The following PARP1 variants were observed in gnomAD, a reference collection of about 807,000 sequenced individuals.
PARP1 encodes the protein poly [ADP-ribose] polymerase 1.
PARP1 carries 44 observed loss-of-function variants against 118.7 expected under a neutral mutation model. That is an observed-to-expected ratio of 0.37 (90% CI 0.29 to 0.48). PARP1 has a LOEUF of 0.48. Ranked by LOEUF, PARP1 falls within the 20% of genes least tolerant of loss-of-function variation. PARP1 has a pLI of 0.99. For missense variants in PARP1, 1,100 were observed against 1,272.4 expected (o/e 0.86, Z 2.06); for synonymous variants, 492 against 483.2 (o/e 1.02, Z -0.24).
At chr1:226,388,535 T>G (rs1664756389) in intron 5 of PARP1, 121 bp downstream of exon 5, 3 of 740,838 alleles carry the variant, frequency 4.0e-6, no homozygotes, top group Middle Eastern at 4.7e-4. Context: ...ATTTAATAAC[T>G]GCCATCAATT....
chr1:226,362,741 T>A (rs1891107), intron 21 of PARP1, among the ~76,000 whole-genome samples: 2 of 151,638 alleles, frequency 1.3e-5, no homozygotes, highest in Admixed American at 1.3e-4. Context: ...AACCCGTGCA[T>A]CTGGTTACTG....
At chr1:226,396,271 G>A (rs4653731) in intron 2 of PARP1, among the ~76,000 whole-genome samples, 33,041 of 151,824 alleles carry the variant, frequency 0.22, 4,226 homozygotes, top group African/African-American at 0.34. Context: ...GCCTGAACCC[G>A]GGAGACAGAG....
intron 7 of PARP1, among the ~76,000 whole-genome samples, chr1:226,384,182 C>T (rs765020025): frequency 9.9e-5 from 15 of 152,216 alleles, no homozygotes; most frequent in Admixed American, 2.6e-4. Flanking sequence ...GAGTAGCACA[C>T]GGTGGCATGT....
At chr1:226,368,537 G>A (rs1047608799) in intron 15 of PARP1, among the ~76,000 whole-genome samples, 1 of 152,174 alleles carries the variant, frequency 6.6e-6, no homozygotes, top group Non-Finnish European at 1.5e-5. Flanking sequence ...AACACGTGAT[G>A]GGCTTCTCCC....
rs374120611 is a variant in PARP1, at chr1:226,361,979, G to A, written c.2953C>T (p.Leu985=). 3.2e-6 allele frequency: 5 copies of A among 1,571,174 alleles called. No individual in the cohort carries two copies. The highest frequency in any genetic ancestry group is 1.1e-5 in the South Asian group (1 of 90,264). The change falls in exon 22 of 23, where the codon CTA becomes TTA. Residue 985 remains leucine (L), a synonymous_variant. Transcript: ENST00000366794. ...CTCAAGAAAGGATACTCGTTATATA[G>A]TAGAGAGGTGTCATTCACACCAGAT... ...ISSGVNDTSL[L]YNEYIVYDIA...
At chr1:226,401,866 G>C (rs1232051513) in intron 2 of PARP1, 2 of 805,946 alleles carry the variant, frequency 2.5e-6, no homozygotes, top group Non-Finnish European at 3.8e-6. Context: ...TACTACTCTG[G>C]TGGGAGGTGT....
intron 19 of PARP1, 33 bp downstream of exon 19, chr1:226,364,969 C>A: frequency 6.2e-7 from 1 of 1,611,656 alleles, no homozygotes; most frequent in South Asian, 1.1e-5. Context: ...CAGAGACAGG[C>A]ATTGCCCACC....
At chr1:226,384,013 TCAGCTATAGGAAG>T (rs1193008289) in intron 7 of PARP1, among the ~76,000 whole-genome samples, 2 of 152,222 alleles carry the variant, frequency 1.3e-5, no homozygotes, top group Non-Finnish European at 2.9e-5. Flanking sequence ...TGACTGAGCA[TCAGCTATAGGAAG>T]GTGAACTTTA....
At chr1:226,405,462 C>T (rs1433950549) in intron 1 of PARP1, among the ~76,000 whole-genome samples, 2 of 152,090 alleles carry the variant, frequency 1.3e-5, no homozygotes, top group South Asian at 2.1e-4. Context: ...CGCACCACCA[C>T]GACCCGCTAA....
intron 21 of PARP1, 72 bp from the exon 22 acceptor site, chr1:226,362,155 C>A: frequency 1.2e-6 from 1 of 831,394 alleles, no homozygotes; most frequent in Non-Finnish European, 2.1e-6. Context: ...GAGATGAGCT[C>A]TATTTGATGT....
intron 16 of PARP1, 31 bp from the exon 17 acceptor site, chr1:226,367,639 G>C (rs780029348): frequency 6.2e-7 from 1 of 1,613,206 alleles, no homozygotes; most frequent in South Asian, 1.1e-5. Context: ...CCCCGACTTA[G>C]GTATCATGGT....
intron 1 of PARP1, among the ~76,000 whole-genome samples, chr1:226,403,325 C>T (rs763971995): frequency 7.9e-5 from 12 of 152,226 alleles, no homozygotes; most frequent in African/African-American, 1.4e-4. Context: ...ACTACAGGCA[C>T]GTGCCACCCA....
intron 14 of PARP1, among the ~76,000 whole-genome samples, chr1:226,372,493 G>A (rs1286546722): frequency 1.3e-5 from 2 of 152,138 alleles, no homozygotes; most frequent in Non-Finnish European, 2.9e-5. Flanking sequence ...CCAAAATGGT[G>A]AAACCCCATC....
chr1:226,362,957 C>G, intron 21 of PARP1, 142 bp downstream of exon 21: 3 of 705,266 alleles, frequency 4.3e-6, no homozygotes, highest in Non-Finnish European at 7.8e-6. Flanking sequence ...CAACAACGCA[C>G]ACACACCCCT....
intron 22 of PARP1, 23 bp downstream of exon 22, chr1:226,361,946 A>T: frequency 1.5e-6 from 2 of 1,368,824 alleles, no homozygotes; most frequent in Non-Finnish European, 2.1e-6. Flanking sequence ...TTGTGCTCAC[A>T]CAGCATACTC....
intron 13 of PARP1, among the ~76,000 whole-genome samples, chr1:226,375,427 C>T (rs547737831): frequency 6.6e-6 from 1 of 152,308 alleles, no homozygotes; most frequent in South Asian, 2.1e-4. Context: ...AAATGACTAA[C>T]AGGAGGCAGG....
chr1:226,370,254 T>C (rs1313653763), intron 15 of PARP1, among the ~76,000 whole-genome samples, 180 bp downstream of exon 15: 5 of 152,204 alleles, frequency 3.3e-5, no homozygotes, highest in South Asian at 2.1e-4. Flanking sequence ...TGATAAACTT[T>C]TGTAAGTAGC....
At chr1:226,369,633 A>C (rs899598462) in intron 15 of PARP1, among the ~76,000 whole-genome samples, 12 of 152,210 alleles carry the variant, frequency 7.9e-5, no homozygotes, top group African/African-American at 2.7e-4. Flanking sequence ...TCTGCAGTTG[A>C]GAATTCAACC....
chr1:226,390,630 G>A lies in PARP1; in HGVS notation c.403-6C>T. 1.2e-6 allele frequency: 2 copies of A among 1,613,568 alleles called. No homozygotes were observed. Among genetic ancestry groups the A allele is most frequent in the Non-Finnish European group, 8.5e-7 (1 of 1,179,576 alleles). Reference sequence around the variant, plus strand: ...TTGGACAGGCGCACCTGGCCCTGCAGGAAAAACCATATGTGGTACCAAGGG... The same window carrying A: ...TTGGACAGGCGCACCTGGCCCTGCAAGAAAAACCATATGTGGTACCAAGGG... On this transcript the variant is annotated splice_region_variant and splice_polypyrimidine_tract_variant and intron_variant, in intron 3 of 22. Coordinates refer to ENST00000366794, the MANE Select transcript of PARP1 (RefSeq NM_001618.4).
Sources: gnomAD v4.1 joint callset for allele counts (sites outside exome capture counted in the v4.1 genomes callset) on GRCh38, gnomAD v4.1.1 for gene constraint, MANE v1.5 for transcripts, NCBI Gene and HGNC (gene_info 2026-07-23, HGNC 2026-07-21) for gene names.